HMGCLL1: variants seen among roughly 807,000 people sequenced by gnomAD.
HMGCLL1 encodes the protein 3-hydroxymethyl-3-methylglutaryl-CoA lyase, cytoplasmic.
In HMGCLL1, 36 loss-of-function variants were observed where a neutral mutation model predicts 39.1. The ratio of observed to expected loss-of-function variants is 0.92; its 90% confidence interval spans 0.71 to 1.22. The LOEUF (loss-of-function observed/expected upper bound fraction) is 1.22, where lower values mean the gene tolerates loss of function less well. HMGCLL1 is among the 50% of genes most tolerant of loss of function. The probability of loss-of-function intolerance (pLI) is 0.00; values close to 1 mark genes in which losing one functional copy is unlikely to be tolerated. For missense variants in HMGCLL1, 451 were observed against 416.5 expected (o/e 1.08, Z -0.72); for synonymous variants, 149 against 144.0 (o/e 1.03, Z -0.25).
At chr6:55,594,952 AT>A in the HMGCLL1 span, among the ~76,000 whole-genome samples, 1 of 152,224 alleles carries the variant, frequency 6.6e-6, no homozygotes, top group Non-Finnish European at 1.5e-5. Flanking sequence ...CTTTAAAAAA[AT>A]ATATTGTGCA....
chr6:55,634,549 T>C, the HMGCLL1 span, among the ~76,000 whole-genome samples: 1 of 152,148 alleles, frequency 6.6e-6, no homozygotes. Flanking sequence ...CTAAAATGAC[T>C]AAAATGTTTC....
At chr6:55,490,253 A>G (rs941936285) in intron 7 of HMGCLL1, among the ~76,000 whole-genome samples, 1 of 152,154 alleles carries the variant, frequency 6.6e-6, no homozygotes, top group Admixed American at 6.6e-5. Context: ...ATCACAATGT[A>G]TATTATTCCC....
chr6:55,530,064 G>T (rs1460670817), intron 3 of HMGCLL1, among the ~76,000 whole-genome samples: 1 of 91,408 alleles, frequency 1.1e-5, no homozygotes, highest in African/African-American at 3.5e-5. Flanking sequence ...TGGAGGATCT[G>T]GTGGGGGGTT....
chr6:55,665,578 A>G, the HMGCLL1 span, among the ~76,000 whole-genome samples: 1 of 151,502 alleles, frequency 6.6e-6, no homozygotes. Context: ...CTCCTTCCCC[A>G]CCCCACAACT....
upstream of HMGCLL1, among the ~76,000 whole-genome samples, chr6:55,580,406 CTTTTTTTTTTTTTT>C (rs145371462): frequency 9.6e-5 from 7 of 73,270 alleles, no homozygotes; most frequent in Admixed American, 4.6e-4. Context: ...TTTTTTCTTT[CTTTTTTTTTTTTTT>C]TTTTTTTTTT....
the HMGCLL1 span, among the ~76,000 whole-genome samples, chr6:55,630,748 C>T: frequency 4.1e-5 from 6 of 144,656 alleles, no homozygotes; most frequent in Non-Finnish European, 6.0e-5. Context: ...AAGGGGGACT[C>T]TCCTACACAA....
the HMGCLL1 span, among the ~76,000 whole-genome samples, chr6:55,590,010 TC>T: frequency 1.6e-5 from 2 of 127,558 alleles, no homozygotes; most frequent in Non-Finnish European, 1.9e-5. Context: ...GCCATCCCCA[TC>T]AAGCTACCAA....
intron 7 of HMGCLL1, among the ~76,000 whole-genome samples, chr6:55,492,199 A>C (rs1019668253): frequency 2.0e-5 from 3 of 152,192 alleles, no homozygotes; most frequent in Admixed American, 1.3e-4. Context: ...GCCACTTCAA[A>C]GATTCCATTT....
intron 7 of HMGCLL1, among the ~76,000 whole-genome samples, chr6:55,446,690 T>C (rs1194762711): frequency 6.6e-6 from 1 of 151,970 alleles, no homozygotes; most frequent in East Asian, 1.9e-4. Context: ...AAAAGTACCA[T>C]CACAACTTTT....
At chr6:55,647,745 C>CTTTTTTTTTTTTTTT in the HMGCLL1 span, among the ~76,000 whole-genome samples, 30 of 115,860 alleles carry the variant, frequency 2.6e-4, no homozygotes, top group African/African-American at 4.2e-4. Context: ...TTTTTTTTTC[C>CTTTTTTTTTTTTTTT]TTTTTTTTTT....
At chr6:55,564,037 T>C (rs935113926) in intron 1 of HMGCLL1, 12 of 443,680 alleles carry the variant, frequency 2.7e-5, no homozygotes, top group Admixed American at 2.2e-4. Flanking sequence ...CAAAGCCTCA[T>C]GAAAGTGCAT....
chr6:55,678,794 A>G, the HMGCLL1 span, among the ~76,000 whole-genome samples: 1 of 152,200 alleles, frequency 6.6e-6, no homozygotes, highest in Admixed American at 6.5e-5. Flanking sequence ...TAGAAAACAA[A>G]TGGAAGTGAG....
chr6:55,449,206 C>A (rs530730445), intron 7 of HMGCLL1, among the ~76,000 whole-genome samples: 2 of 152,286 alleles, frequency 1.3e-5, no homozygotes, highest in African/African-American at 4.8e-5. Flanking sequence ...CTTCCAGGAC[C>A]CTCAGCTAGC....
At chr6:55,644,259 A>G in the HMGCLL1 span, among the ~76,000 whole-genome samples, 1 of 151,902 alleles carries the variant, frequency 6.6e-6, no homozygotes, top group Admixed American at 6.6e-5. Flanking sequence ...ATTTTTTCCT[A>G]TAAAGTTGTT....
At chr6:55,607,975 C>G in the HMGCLL1 span, among the ~76,000 whole-genome samples, 1 of 152,076 alleles carries the variant, frequency 6.6e-6, no homozygotes, top group Admixed American at 6.6e-5. Flanking sequence ...ATTCTAATCT[C>G]ACATGAAAAA....
the HMGCLL1 span, among the ~76,000 whole-genome samples, chr6:55,670,333 C>T: frequency 6.6e-6 from 1 of 151,574 alleles, no homozygotes; most frequent in Non-Finnish European, 1.5e-5. Context: ...AGCAGGCCTG[C>T]TATTTAATAA....
intron 5 of HMGCLL1, 53 bp downstream of exon 5, chr6:55,513,995 A>G (rs1449980126): frequency 1.3e-6 from 2 of 1,492,928 alleles, no homozygotes; most frequent in Admixed American, 2.0e-5. Flanking sequence ...ATTTTTGAGT[A>G]AGCTTTAACA....
Position 55,439,489 on chromosome 6 carries a change from C to A in HMGCLL1, c.866G>T (p.Gly289Val). 1 of 1,612,814 alleles carries A rather than the reference C, an allele frequency of 6.2e-7. No homozygotes were observed. The highest frequency in any genetic ancestry group is 8.5e-7 in the Non-Finnish European group (1 of 1,179,142). ...TATCAAATCCTCAGTGGCTACATTC[C>A]CAGAAGCACCTTTTGCATAAGGGCA... Reference protein sequence around the residue: ...GGCPYAKGASGNVATEDLIYM... With the variant: ...GGCPYAKGASVNVATEDLIYM... Residue 289 changes from glycine (G) to valine (V), a missense_variant, in exon 8 of 9, where the codon GGG becomes GTG. Gly to Val is a moderately radical substitution (Grantham distance 109). Transcript: ENST00000274901.
chr6:55,468,698 T>C (rs753586152), intron 7 of HMGCLL1, among the ~76,000 whole-genome samples: 3 of 151,956 alleles, frequency 2.0e-5, no homozygotes, highest in African/African-American at 4.8e-5. Context: ...CAATGGAGCA[T>C]AGAAAAATTA....
Sources: allele counts gnomAD v4.1 joint callset (sites outside exome capture counted in the v4.1 genomes callset), GRCh38; gene constraint gnomAD v4.1.1; transcripts MANE v1.5; gene names NCBI Gene and HGNC (gene_info 2026-07-23, HGNC 2026-07-21).